GALNTL6: variants seen among roughly 807,000 people sequenced by gnomAD.
GALNTL6 encodes polypeptide N-acetylgalactosaminyltransferase-like 6.
Under a neutral mutation model 73.7 loss-of-function variants are expected in GALNTL6, and 46 were observed. That is an observed-to-expected ratio of 0.62 (90% confidence interval 0.49 to 0.80). GALNTL6 has a LOEUF of 0.80. Ranked by LOEUF, GALNTL6 falls within the 30% of genes least tolerant of loss-of-function variation. GALNTL6 has a pLI of 0.00. For missense variants in GALNTL6, 604 were observed against 755.0 expected, an observed-to-expected ratio of 0.80 and a Z score of 2.34; for synonymous variants, 259 against 263.7, an observed-to-expected ratio of 0.98 and a Z score of 0.17.
chr4:172,627,175 C>T (rs188594432), intron 5 of GALNTL6, among the ~76,000 whole-genome samples: 38 of 152,118 alleles, frequency 2.5e-4, no homozygotes, highest in African/African-American at 8.2e-4. Context: ...TTCTTCAATG[C>T]CTAGTTTGGT....
intron 5 of GALNTL6, among the ~76,000 whole-genome samples, chr4:172,622,666 A>G (rs1442498307): frequency 1.3e-5 from 2 of 152,130 alleles, no homozygotes; most frequent in Admixed American, 1.3e-4. Context: ...AATGCATGAG[A>G]GGCTGATAGG....
chr4:172,617,713 C>T (rs377323277), intron 5 of GALNTL6, among the ~76,000 whole-genome samples: 1 of 151,998 alleles, frequency 6.6e-6, no homozygotes, highest in Non-Finnish European at 1.5e-5. Flanking sequence ...AATCTCCTGA[C>T]CTCATGATCT....
At chr4:172,985,206 A>G (rs891848709) in intron 10 of GALNTL6, among the ~76,000 whole-genome samples, 3 of 152,114 alleles carry the variant, frequency 2.0e-5, no homozygotes, top group African/African-American at 7.2e-5. Flanking sequence ...CTTCGACAAT[A>G]TAGCAATCTC....
chr4:172,443,684 G>A (rs1277065659), intron 5 of GALNTL6, among the ~76,000 whole-genome samples: 3 of 152,148 alleles, frequency 2.0e-5, no homozygotes, highest in African/African-American at 7.2e-5. Context: ...TACTACTTAT[G>A]TGATATCAGT....
intron 5 of GALNTL6, among the ~76,000 whole-genome samples, chr4:172,655,383 G>A (rs755251792): frequency 3.9e-5 from 6 of 152,100 alleles, no homozygotes; most frequent in South Asian, 2.1e-4. Flanking sequence ...AGCTAGTCTC[G>A]TTAGAATATA....
At chr4:171,824,663 T>A (rs1463081173) in intron 2 of GALNTL6, among the ~76,000 whole-genome samples, 2 of 152,194 alleles carry the variant, frequency 1.3e-5, no homozygotes, top group Admixed American at 6.6e-5. Context: ...AGAAAAAACA[T>A]GTTCCCACAC....
chr4:172,955,970 A>G (rs189581883), intron 10 of GALNTL6, among the ~76,000 whole-genome samples: 2 of 152,174 alleles, frequency 1.3e-5, no homozygotes, highest in African/African-American at 4.8e-5. Context: ...TTGTGGTGGA[A>G]TGTCATCAAG....
chr4:172,080,299 G>A (rs1367581339), intron 2 of GALNTL6, among the ~76,000 whole-genome samples: 1 of 151,988 alleles, frequency 6.6e-6, no homozygotes, highest in African/African-American at 2.4e-5. Flanking sequence ...TCCCACCTCA[G>A]CCTCCTGAGT....
At chr4:171,845,317 C>T (rs188595560) in intron 2 of GALNTL6, among the ~76,000 whole-genome samples, 5 of 152,044 alleles carry the variant, frequency 3.3e-5, no homozygotes, top group Admixed American at 2.0e-4. Flanking sequence ...CAAAGTTGAC[C>T]GTAGGAATAT....
At chr4:172,715,344 A>G (rs1465254376) in intron 5 of GALNTL6, among the ~76,000 whole-genome samples, 1 of 152,158 alleles carries the variant, frequency 6.6e-6, no homozygotes, top group Non-Finnish European at 1.5e-5. Flanking sequence ...AGAAGAACCA[A>G]TGTTGTTATG....
intron 2 of GALNTL6, among the ~76,000 whole-genome samples, chr4:172,179,585 A>G (rs1184554683): frequency 7.0e-6 from 1 of 142,178 alleles, no homozygotes; most frequent in Non-Finnish European, 1.5e-5. Context: ...GGTTGCAAAA[A>G]TTTTCTCCCA....
chr4:172,901,060 T>G (rs1746603117), intron 8 of GALNTL6, among the ~76,000 whole-genome samples: 1 of 152,192 alleles, frequency 6.6e-6, no homozygotes, highest in South Asian at 2.1e-4. Flanking sequence ...CCTATCGTTT[T>G]TGTCTAGAAA....
intron 7 of GALNTL6, among the ~76,000 whole-genome samples, chr4:172,839,727 G>A (rs11934540): frequency 0.082 from 12,455 of 152,228 alleles, 1,048 homozygotes; most frequent in African/African-American, 0.2. Flanking sequence ...TACAATGCCT[G>A]TTTGAAAATG....
At chr4:172,250,150 C>T (rs1167023370) in intron 3 of GALNTL6, among the ~76,000 whole-genome samples, 1 of 152,130 alleles carries the variant, frequency 6.6e-6, no homozygotes, top group African/African-American at 2.4e-5. Flanking sequence ...GCTGTGGGAG[C>T]CCACTCCTGC....
At chr4:171,954,100 C>T (rs562853228) in intron 2 of GALNTL6, among the ~76,000 whole-genome samples, 57 of 152,176 alleles carry the variant, frequency 3.7e-4, no homozygotes, top group Admixed American at 1.4e-3. Flanking sequence ...GAAGCACATA[C>T]GCTAAAAAAA....
intron 2 of GALNTL6, among the ~76,000 whole-genome samples, chr4:171,960,809 A>G (rs1013017642): frequency 6.6e-6 from 1 of 151,896 alleles, no homozygotes; most frequent in Non-Finnish European, 1.5e-5. Context: ...AACTATTACA[A>G]CTGATGGGAG....
intron 2 of GALNTL6, among the ~76,000 whole-genome samples, chr4:171,833,232 T>C (rs959434031): frequency 2.0e-5 from 3 of 151,750 alleles, no homozygotes; most frequent in African/African-American, 7.2e-5. Flanking sequence ...GGATGCTCAA[T>C]GAATTGCTAT....
chr4:172,648,642 A>G (rs79112774), intron 5 of GALNTL6, among the ~76,000 whole-genome samples: 2 of 152,310 alleles, frequency 1.3e-5, no homozygotes, highest in East Asian at 1.9e-4. Flanking sequence ...TTCAGTGAAC[A>G]GTATAATACA....
At chr4:172,722,735 T>A (rs527565022) in intron 5 of GALNTL6, among the ~76,000 whole-genome samples, 2 of 152,326 alleles carry the variant, frequency 1.3e-5, no homozygotes, top group African/African-American at 4.8e-5. Context: ...ACAGTATGCC[T>A]TGAACAAATC....
Sources: allele counts gnomAD v4.1 joint callset (sites outside exome capture counted in the v4.1 genomes callset), GRCh38; gene constraint gnomAD v4.1.1; transcripts MANE v1.5; gene names NCBI Gene and HGNC (gene_info 2026-07-23, HGNC 2026-07-21).